TMTC1: variants seen among roughly 807,000 people sequenced by gnomAD.
TMTC1 encodes the protein transmembrane O-mannosyltransferase targeting cadherins 1.
In TMTC1, 73 loss-of-function variants were observed where a neutral mutation model predicts 104.8. That is an observed-to-expected ratio of 0.70 (90% CI 0.58 to 0.85). The LOEUF (loss-of-function observed/expected upper bound fraction) is 0.85. Ranked by LOEUF, TMTC1 falls within the 40% of genes least tolerant of loss-of-function variation. The pLI is 0.00. For synonymous variants in TMTC1, 434 were observed against 428.7 expected (o/e 1.01, Z -0.15); for missense variants, 1,035 against 1,096.1 (o/e 0.94, Z 0.79).
intron 10 of TMTC1, among the ~76,000 whole-genome samples, chr12:29,556,136 T>C (rs1465844830): frequency 1.3e-5 from 2 of 152,182 alleles, no homozygotes; most frequent in Non-Finnish European, 2.9e-5. Context: ...CCAACATGCT[T>C]AGACTATATT....
chr12:29,738,454 CTATAG>C (rs1406063347), intron 5 of TMTC1, among the ~76,000 whole-genome samples: 2 of 152,194 alleles, frequency 1.3e-5, no homozygotes, highest in Admixed American at 6.5e-5. Context: ...CAGTTAACAG[CTATAG>C]TCTCACATTG....
At chr12:29,757,879 A>G (rs546181779) in intron 3 of TMTC1, among the ~76,000 whole-genome samples, 3 of 151,928 alleles carry the variant, frequency 2.0e-5, no homozygotes, top group Non-Finnish European at 4.4e-5. Context: ...ATTCACTATC[A>G]TGAGAGCAGC....
At chr12:29,572,514 C>A (rs1945707473) in intron 8 of TMTC1, among the ~76,000 whole-genome samples, 1 of 152,176 alleles carries the variant, frequency 6.6e-6, no homozygotes, top group Non-Finnish European at 1.5e-5. Context: ...GTGCCAGAGA[C>A]ACAGCTGGAG....
chr12:29,747,595 GAAC>G (rs944705463), intron 5 of TMTC1, among the ~76,000 whole-genome samples: 12 of 152,220 alleles, frequency 7.9e-5, no homozygotes, highest in African/African-American at 2.6e-4. Context: ...TTTTGAAGTT[GAAC>G]AACAACAAAA....
chr12:29,728,021 G>T (rs182745407), intron 5 of TMTC1, among the ~76,000 whole-genome samples: 3 of 152,138 alleles, frequency 2.0e-5, no homozygotes, highest in Admixed American at 1.3e-4. Context: ...TCTTCTGCGC[G>T]CCCAATAGCA....
At chr12:29,677,929 A>G (rs1477676819) in intron 5 of TMTC1, among the ~76,000 whole-genome samples, 2 of 152,260 alleles carry the variant, frequency 1.3e-5, no homozygotes, top group African/African-American at 4.8e-5. Context: ...TATAAATTAA[A>G]CTTCATCACA....
intron 5 of TMTC1, among the ~76,000 whole-genome samples, chr12:29,691,598 C>A (rs574307449): frequency 1.4e-5 from 2 of 142,854 alleles, no homozygotes; most frequent in South Asian, 4.5e-4. Flanking sequence ...TTACCGGAAG[C>A]CAAAACTGAG....
intron 6 of TMTC1, among the ~76,000 whole-genome samples, chr12:29,631,776 A>C (rs1938310362): frequency 6.6e-6 from 1 of 152,152 alleles, no homozygotes; most frequent in Non-Finnish European, 1.5e-5. Context: ...CTCAAACTGG[A>C]AAATCTGTTT....
intron 5 of TMTC1, among the ~76,000 whole-genome samples, chr12:29,708,543 C>T (rs776119216): frequency 1.3e-5 from 2 of 152,104 alleles, no homozygotes; most frequent in South Asian, 2.1e-4. Context: ...AGCCCATTGA[C>T]TCCCAGTTTT....
rs1379167286 is a variant in TMTC1 at position 29,555,303 on chromosome 12, A to ATT, written c.1676+1552_1676+1553dup. On this transcript the variant is annotated intron_variant, in intron 10 of 17. Transcript: ENST00000539277. The stretch of plus-strand genomic sequence containing the variant: ...CAGGCACAAGTCACCAGGCCCGGTA[A>ATT]TTTTTTTTTATTTTTTATTTATTTA... Among the ~76,000 whole-genome samples the ATT allele has an allele frequency of 1.4e-3, 207 of 149,878 alleles. 1 individual carries two copies. The highest frequency in any genetic ancestry group is 4.8e-3 in the African/African-American group (196 of 40,902).
At chr12:29,749,897 C>T (rs763270920) in intron 5 of TMTC1, among the ~76,000 whole-genome samples, 1 of 152,064 alleles carries the variant, frequency 6.6e-6, no homozygotes, top group South Asian at 2.1e-4. Flanking sequence ...CACCTCATCT[C>T]TTCATTGCAG....
chr12:29,648,732 A>G (rs1939384359), intron 5 of TMTC1, among the ~76,000 whole-genome samples: 1 of 152,238 alleles, frequency 6.6e-6, no homozygotes, highest in African/African-American at 2.4e-5. Flanking sequence ...TCTATTAGCT[A>G]CATTAAAAAG....
intron 5 of TMTC1, chr12:29,640,642 C>T (rs1197815201): frequency 6.6e-6 from 1 of 152,200 alleles, no homozygotes; most frequent in Non-Finnish European, 1.5e-5. Flanking sequence ...TCGCGGGCTC[C>T]CCTGGCAGGC....
At chr12:29,684,470 TC>T (rs1211420621) in intron 5 of TMTC1, among the ~76,000 whole-genome samples, 1 of 152,206 alleles carries the variant, frequency 6.6e-6, no homozygotes, top group East Asian at 1.9e-4. Flanking sequence ...GAGGGCTTTC[TC>T]TTTATTTTTA....
chr12:29,630,165 T>A (rs1470584549), intron 6 of TMTC1, among the ~76,000 whole-genome samples: 3 of 152,200 alleles, frequency 2.0e-5, no homozygotes, highest in Non-Finnish European at 4.4e-5. Context: ...TGGAATCATA[T>A]AGGGTATTTA....
intron 10 of TMTC1, among the ~76,000 whole-genome samples, chr12:29,537,384 CTAT>C (rs1287799249): frequency 1.3e-5 from 2 of 152,084 alleles, no homozygotes; most frequent in South Asian, 4.1e-4. Context: ...TATTATTGTT[CTAT>C]TATTATACTC....
intron 6 of TMTC1, among the ~76,000 whole-genome samples, chr12:29,608,179 A>G (rs1416702055): frequency 2.0e-5 from 3 of 152,204 alleles, no homozygotes; most frequent in Admixed American, 6.5e-5. Context: ...TAAAGTTGGG[A>G]AAAAAAGTGC....
intron 7 of TMTC1, among the ~76,000 whole-genome samples, chr12:29,594,023 C>T (rs16934569): frequency 0.15 from 22,073 of 152,156 alleles, 2,010 homozygotes; most frequent in African/African-American, 0.25. Flanking sequence ...TGTTTATCAC[C>T]GGAACTGTCC....
chr12:29,604,153 G>A (rs1289951051), intron 7 of TMTC1, 25 bp downstream of exon 7: 1 of 1,612,056 alleles, frequency 6.2e-7, no homozygotes, highest in East Asian at 2.2e-5. Flanking sequence ...AGGTCTTGTA[G>A]GAGGAAGTCA....
Sources: allele counts gnomAD v4.1 joint callset (sites outside exome capture counted in the v4.1 genomes callset), GRCh38; gene constraint gnomAD v4.1.1; transcripts MANE v1.5; gene names NCBI Gene and HGNC (gene_info 2026-07-23, HGNC 2026-07-21).